Variants in SNCG observed in about 807,000 individuals in gnomAD.
The protein encoded by SNCG is synuclein gamma.
SNCG carries 13 observed loss-of-function variants against 16.0 expected under a neutral mutation model. The ratio of observed to expected loss-of-function variants is 0.81; its 90% CI spans 0.53 to 1.29. SNCG has a LOEUF of 1.29. Ranked by LOEUF, SNCG falls within the 50% of genes most tolerant of loss-of-function variation. SNCG has a pLI of 0.00. For missense variants in SNCG, 154 were observed against 168.5 expected, an observed-to-expected ratio of 0.91 and a Z score of 0.48; for synonymous variants, 66 against 66.3, an observed-to-expected ratio of 1.00 and a Z score of 0.02.
At chr10:86,957,597 C>T, upstream of SNCG, 2 of 1,526,544 alleles carry the variant, frequency 1.3e-6, no homozygotes, top group Non-Finnish European at 8.8e-7. Context: ...GCTCCAGAAA[C>T]TGCTAGTGAC....
chr10:86,960,056 C>G lies in SNCG; in HGVS notation c.219C>G (p.Ser73Arg). The change falls in exon 3 of 5, where the codon AGC (serine) becomes AGG (arginine). Residue 73 changes from serine (S) to arginine (R), a missense_variant. Ser to Arg is a moderately radical substitution (Grantham distance 110, BLOSUM62 -1). Transcript: ENST00000372017. ...ANAVSEAVVS[S>R]VNTVATKTVE... ...CCGTGAGCGAGGCTGTGGTGAGCAG[C>G]GTCAACACTGTGGCCACCAAGACCG... is the stretch of plus-strand genomic sequence containing the variant. 6.2e-7 allele frequency: 1 copy of G among 1,612,878 alleles called. No homozygotes were observed.
chr10:86,962,637 G>A lies in SNCG; in HGVS notation c.325G>A (p.Gly109Ser), dbSNP rs267602604. The change falls in exon 4 of 5, where the codon GGT becomes AGT. Residue 109 changes from glycine to serine, a missense_variant. By Grantham distance (56) the Gly-to-Ser change is moderately conservative (BLOSUM62 0). Transcript: ENST00000372017. ...DLRPSAPQQE[G>S]EASKEKEEVA... ...GAGGCCATCTGCCCCCCAACAGGAG[G>A]GTGAGGCATCCAAAGAGAAAGAGGA... is the stretch of plus-strand genomic sequence containing the variant. 1 of 1,613,046 alleles carries A rather than the reference G, an allele frequency of 6.2e-7. No homozygotes were observed. The highest frequency in any genetic ancestry group is 8.5e-7 in the Non-Finnish European group (1 of 1,179,562).
upstream of SNCG, among the ~76,000 whole-genome samples, chr10:86,956,742 G>A (rs1044152892): frequency 4.6e-5 from 7 of 152,246 alleles, no homozygotes; most frequent in Admixed American, 3.9e-4. Context: ...AGCACCTGCT[G>A]CTCTGACTGA....
intron 1 of SNCG, 127 bp downstream of exon 1, chr10:86,958,945 G>A: frequency 9.4e-7 from 1 of 1,059,442 alleles, no homozygotes; most frequent in Non-Finnish European, 1.4e-6. Flanking sequence ...TGGCTATCAA[G>A]GTGGGGTCTC....
At chr10:86,957,433 T>C, upstream of SNCG, 2 of 1,613,756 alleles carry the variant, frequency 1.2e-6, no homozygotes, top group Non-Finnish European at 1.7e-6. Context: ...ACCCCAGGTG[T>C]CCTGGAGCTC....
chr10:86,958,385 C>A (rs1398837949), upstream of SNCG: 1 of 985,256 alleles, frequency 1.0e-6, no homozygotes, highest in Non-Finnish European at 1.2e-6. Context: ...GGTGGCCAGC[C>A]CCCTCCAGCC....
intron 4 of SNCG, 114 bp from the exon 5 acceptor site, chr10:86,962,851 C>G: frequency 1.5e-6 from 2 of 1,298,908 alleles, no homozygotes; most frequent in African/African-American, 2.9e-5. Context: ...GGAGGTCCCC[C>G]CACGGATGAC....
At chr10:86,957,525 A>G, upstream of SNCG, 1 of 1,611,338 alleles carries the variant, frequency 6.2e-7, no homozygotes, top group East Asian at 2.2e-5. Flanking sequence ...AAGGCTGAAC[A>G]GCAAGCTCAG....
At position 86,959,127 on chromosome 10, in the gene SNCG, A is replaced by G. The variant is rs912134136; in HGVS notation, c.121+309A>G. On this transcript the variant is annotated intron_variant, in intron 1 of 4. Transcript: ENST00000372017. The surrounding 1 kb of genome is among the most constrained non-coding windows in gnomAD (Gnocchi z 4.3). ...CCCTGAGCCTGGAGCCCCTGAAGCC[A>G]TGAGCAGCCTGTGCTCAGGTGGCCC... Among the ~76,000 whole-genome samples the G allele has an allele frequency of 4.6e-5, 7 of 152,114 alleles. No individual in the cohort carries two copies. The highest frequency in any genetic ancestry group is 1.7e-4 in the African/African-American group (7 of 41,420).
upstream of SNCG, chr10:86,957,303 A>T: frequency 6.7e-7 from 1 of 1,502,910 alleles, no homozygotes; most frequent in Non-Finnish European, 9.2e-7. Flanking sequence ...AGTGAGGTCT[A>T]GAGAGGCTCT....
chr10:86,960,687 G>A (rs887163258), intron 3 of SNCG, among the ~76,000 whole-genome samples: 1 of 152,168 alleles, frequency 6.6e-6, no homozygotes, highest in Admixed American at 6.5e-5. Context: ...GAGCATGTGG[G>A]TGCATTTGTG....
rs138477431 is a variant in SNCG, at chr10:86,959,610, T to A, written c.122-23T>A. On this transcript the variant is annotated intron_variant, in intron 1 of 4. Transcript: ENST00000372017. This position sits in a 1 kb window ranked among gnomAD's most constrained non-coding sequence, Gnocchi z 4.3. ...CCAACACCTCGAGGGAGGTCTGGGC[T>A]GACAGCTCCATTTCCTCCCCAGGAG... 7.7e-5 allele frequency: 125 copies of A among 1,613,086 alleles called. No homozygotes were observed. The African/African-American group carries it at 1.6e-3, about 20-fold the overall frequency.
At position 86,959,889 on chromosome 10, in the gene SNCG, G is replaced by C. The variant is rs1418550851; in HGVS notation, c.164-112G>C. Reference sequence around the variant, plus strand: ...CTGGAGTCAGAGGGAGCAGGGGAGGGTCCCAGCAGGGCCAGGGCTCTGAGC... The same window carrying C: ...CTGGAGTCAGAGGGAGCAGGGGAGGCTCCCAGCAGGGCCAGGGCTCTGAGC... On this transcript the variant is annotated intron_variant, in intron 2 of 4. Coordinates refer to ENST00000372017, the MANE Select transcript of SNCG (RefSeq NM_003087.3). The surrounding 1 kb of genome is among the most constrained non-coding windows in gnomAD (Gnocchi z 4.3). 11 of 1,498,008 alleles carry C rather than the reference G, an allele frequency of 7.3e-6. No homozygotes were observed. The highest frequency in any genetic ancestry group is 8.1e-6 in the Non-Finnish European group (9 of 1,110,444). The allele number at this position is 1,498,008 out of a possible 1,614,324, so 92.8% of individuals were successfully genotyped here. A position where few individuals can be genotyped will look rare whatever the true frequency, so the allele number is the denominator to read the frequency against.
chr10:86,959,826 G>C lies in SNCG; in HGVS notation c.163+152G>C. ...CTGCAGACCATGAGGCTAAACTAGGGTGGGCGTCTCCTTACCCCCACCAGC... is the reference window on the plus strand; with the variant it reads ...CTGCAGACCATGAGGCTAAACTAGGCTGGGCGTCTCCTTACCCCCACCAGC... On this transcript the variant is annotated intron_variant, in intron 2 of 4. Coordinates refer to ENST00000372017, the MANE Select transcript of SNCG (RefSeq NM_003087.3). This position sits in a 1 kb window ranked among gnomAD's most constrained non-coding sequence, Gnocchi z 4.3. The C allele has an allele frequency of 7.9e-7, 1 of 1,268,730 alleles. No individual in the cohort carries two copies. The highest frequency in any genetic ancestry group is 1.1e-6 in the Non-Finnish European group (1 of 927,446). 78.6% of individuals were successfully genotyped at this position (1,268,730 alleles called of 1,614,324 possible).
At chr10:86,961,960 C>T (rs772007435) in intron 3 of SNCG, among the ~76,000 whole-genome samples, 11 of 152,352 alleles carry the variant, frequency 7.2e-5, no homozygotes, top group Middle Eastern at 6.8e-3. Context: ...TGATATCTCA[C>T]GCAAGTGTCT....
intron 4 of SNCG, 66 bp downstream of exon 4, chr10:86,962,741 C>T (rs372574053): frequency 1.1e-4 from 154 of 1,362,090 alleles, no homozygotes; most frequent in African/African-American, 7.4e-4. Context: ...CCCCCACAGA[C>T]GCACTGCTTC....
chr10:86,962,188 T>A (rs1292461386), intron 3 of SNCG, among the ~76,000 whole-genome samples: 1 of 152,206 alleles, frequency 6.6e-6, no homozygotes, highest in Non-Finnish European at 1.5e-5. Context: ...CAAGCCTCCC[T>A]GGCCTCAGAG....
upstream of SNCG, chr10:86,958,128 G>C (rs573790760): frequency 2.3e-5 from 23 of 984,732 alleles, no homozygotes; most frequent in South Asian, 8.0e-4. Flanking sequence ...AGGGTCCAGC[G>C]GCATCCAGGA....
chr10:86,960,879 C>A (rs866510252), intron 3 of SNCG, among the ~76,000 whole-genome samples: 2 of 152,224 alleles, frequency 1.3e-5, no homozygotes, highest in African/African-American at 2.4e-5. Context: ...TTAATAGACA[C>A]AAAATCCATG....
Sources: allele counts gnomAD v4.1 joint callset (sites outside exome capture counted in the v4.1 genomes callset), GRCh38; gene constraint gnomAD v4.1.1; non-coding constraint Gnocchi (gnomAD v3.1); transcripts MANE v1.5; gene names NCBI Gene and HGNC (gene_info 2026-07-23, HGNC 2026-07-21).